Variants in CNTN6 observed in about 807,000 individuals in gnomAD.
CNTN6 encodes contactin 6.
In CNTN6, 137 loss-of-function variants were observed where a neutral mutation model predicts 122.8. The ratio of observed to expected loss-of-function variants is 1.12; its 90% CI spans 0.97 to 1.29. CNTN6 has a LOEUF of 1.29. Ranked by LOEUF, CNTN6 falls within the 50% of genes most tolerant of loss-of-function variation. The probability of loss-of-function intolerance (pLI) is 0.00; values close to 1 mark genes in which losing one functional copy is unlikely to be tolerated. For missense variants in CNTN6, 1,634 were observed against 1,223.4 expected, an observed-to-expected ratio of 1.34 and a Z score of -5.01; for synonymous variants, 570 against 426.0, an observed-to-expected ratio of 1.34 and a Z score of -4.16.
intron 2 of CNTN6, among the ~76,000 whole-genome samples, chr3:1,183,417 C>A (rs2093585816): frequency 1.3e-5 from 2 of 150,724 alleles, no homozygotes; most frequent in Non-Finnish European, 1.5e-5. Context: ...GATTAGAGGC[C>A]AGGTAATCAG....
intron 4 of CNTN6, among the ~76,000 whole-genome samples, chr3:1,277,460 AGC>A (rs1692613688): frequency 7.1e-6 from 1 of 141,502 alleles, no homozygotes; most frequent in Non-Finnish European, 1.5e-5. Context: ...CCTGGGTTCA[AGC>A]AATTCTCATG....
At chr3:1,387,462 C>G (rs372285948) in intron 20 of CNTN6, among the ~76,000 whole-genome samples, 3 of 152,112 alleles carry the variant, frequency 2.0e-5, no homozygotes, top group Non-Finnish European at 2.9e-5. Context: ...TCTGCAAATC[C>G]GAATGAAAAT....
At chr3:1,394,211 C>G (rs531457029) in intron 20 of CNTN6, 3 of 237,648 alleles carry the variant, frequency 1.3e-5, no homozygotes, top group Non-Finnish European at 2.5e-5. Context: ...GCCTCATCTC[C>G]GGAAGCTTCC....
intron 4 of CNTN6, among the ~76,000 whole-genome samples, chr3:1,239,655 C>T (rs1312937687): frequency 2.0e-5 from 3 of 152,128 alleles, no homozygotes; most frequent in Admixed American, 6.5e-5. Flanking sequence ...TCATTCTTCT[C>T]AGAACTAGCA....
chr3:1,222,183 T>G (rs1400465130), intron 3 of CNTN6, among the ~76,000 whole-genome samples: 1 of 152,148 alleles, frequency 6.6e-6, no homozygotes, highest in Non-Finnish European at 1.5e-5. Context: ...CCAGTGAAAC[T>G]CATCTGTCAG....
intron 2 of CNTN6, chr3:1,173,286 G>C (rs972264018): frequency 2.2e-6 from 1 of 456,548 alleles, no homozygotes; most frequent in Non-Finnish European, 4.4e-6. Flanking sequence ...CTTATGCTAA[G>C]TGCCCTTATA....
intron 20 of CNTN6, among the ~76,000 whole-genome samples, chr3:1,395,284 A>C (rs1397518397): frequency 6.6e-6 from 1 of 152,214 alleles, no homozygotes; most frequent in African/African-American, 2.4e-5. Context: ...TTTTAAAACA[A>C]TATAAGTTGC....
intron 1 of CNTN6, among the ~76,000 whole-genome samples, chr3:1,146,104 C>G (rs1245334926): frequency 6.6e-6 from 1 of 151,940 alleles, no homozygotes; most frequent in Admixed American, 6.6e-5. Context: ...CTGTATAATT[C>G]CAGTTTTTAC....
At position 1,283,252 on chromosome 3, in the gene CNTN6, G is replaced by T. The variant is rs183305610; in HGVS notation, c.454+4744G>T. On this transcript the variant is annotated intron_variant, in intron 5 of 22. Coordinates refer to ENST00000446702, the MANE Select transcript of CNTN6 (RefSeq NM_001289080.2). Reference sequence around the variant, plus strand: ...TCACCGGTGTGAGCCACTGCTCCCAGCCCACAAAACTTATTTAGTATTTAT... The same window carrying T: ...TCACCGGTGTGAGCCACTGCTCCCATCCCACAAAACTTATTTAGTATTTAT... Among the ~76,000 whole-genome samples the T allele has an allele frequency of 3.9e-5, 6 of 152,234 alleles. No individual in the cohort carries two copies. The East Asian group carries it at 9.7e-4, about 25-fold the overall frequency.
Position 1,149,316 on chromosome 3 carries a change from C to A in CNTN6, c.55+1253C>A, listed in dbSNP as rs138505300. ...GCCTCTCTTCTACCATACCATGCTT[C>A]TTCCCCCCGACTATGTGTTGATAGG... On this transcript the variant is annotated intron_variant, in intron 2 of 22. Transcript: ENST00000446702. Among the ~76,000 whole-genome samples, 366 of 152,268 alleles carry A rather than the reference C, an allele frequency of 2.4e-3. 2 individuals carry two copies. The highest frequency in any genetic ancestry group is 4.0e-3 in the Non-Finnish European group (269 of 68,022).
Position 1,161,586 on chromosome 3 carries a change from T to C in CNTN6, c.55+13523T>C, listed in dbSNP as rs578048679. 2.0e-5 allele frequency among the ~76,000 whole-genome samples: 3 copies of C among 152,112 alleles called. No individual in the cohort carries two copies. In the East Asian group the frequency reaches 5.8e-4, roughly 29 times the overall value. ...ACAAATATATGTATCCACATTCTTT[T>C]CAGAGACATGGTTGTTAAATAACTG... On this transcript the variant is annotated intron_variant, in intron 2 of 22. Transcript: ENST00000446702.
chr3:1,219,955 T>C (rs766634058), intron 2 of CNTN6, among the ~76,000 whole-genome samples: 9 of 140,890 alleles, frequency 6.4e-5, no homozygotes, highest in African/African-American at 2.8e-5. Context: ...TGAGCTGTGA[T>C]TGTGCCACTG....
At chr3:1,380,394 T>A (rs1710486625) in intron 17 of CNTN6, among the ~76,000 whole-genome samples, 1 of 152,218 alleles carries the variant, frequency 6.6e-6, no homozygotes, top group Admixed American at 6.5e-5. Context: ...CTAGACATAA[T>A]ATCAAATTTT....
intron 7 of CNTN6, among the ~76,000 whole-genome samples, chr3:1,313,094 A>G (rs1460090925): frequency 6.6e-6 from 1 of 152,084 alleles, no homozygotes; most frequent in Non-Finnish European, 1.5e-5. Context: ...CAAACGGAAT[A>G]AATTTGAGGT....
chr3:1,130,254 C>T (rs977514519), intron 1 of CNTN6, among the ~76,000 whole-genome samples: 2 of 152,052 alleles, frequency 1.3e-5, no homozygotes, highest in Non-Finnish European at 2.9e-5. Flanking sequence ...GTAGCAGATG[C>T]TGTCTATGCC....
intron 7 of CNTN6, among the ~76,000 whole-genome samples, chr3:1,315,998 A>G (rs1236985880): frequency 6.6e-6 from 1 of 152,020 alleles, no homozygotes; most frequent in South Asian, 2.1e-4. Context: ...AGACAAATAC[A>G]TGTGAATTAG....
Position 1,112,024 on chromosome 3 carries a change from G to GTGCC in CNTN6, c.-83+18905_-83+18908dup, listed in dbSNP as rs532967223. Among the ~76,000 whole-genome samples, 126 of 152,166 alleles carry GTGCC rather than the reference G, an allele frequency of 8.3e-4. No individual in the cohort carries two copies. In the South Asian group the frequency reaches 0.02, roughly 24 times the overall value. Reference sequence around the variant, plus strand: ...ATTATGTAGTTATTTTGCCCTAGGGGTGCCATAAAAATGATTGATCCACTA... The same window carrying GTGCC: ...ATTATGTAGTTATTTTGCCCTAGGGGTGCCTGCCATAAAAATGATTGATCCACTA... On this transcript the variant is annotated intron_variant, in intron 1 of 22. Transcript: ENST00000446702.
intron 11 of CNTN6, among the ~76,000 whole-genome samples, chr3:1,330,714 C>T (rs751523012): frequency 1.3e-5 from 2 of 151,934 alleles, no homozygotes; most frequent in East Asian, 3.9e-4. Context: ...TCTTCAGCAT[C>T]ATATGTTCCA....
intron 2 of CNTN6, among the ~76,000 whole-genome samples, chr3:1,193,984 C>T (rs1303993332): frequency 6.6e-6 from 1 of 151,864 alleles, no homozygotes; most frequent in African/African-American, 2.4e-5. Context: ...TTTTTTTCCC[C>T]AAAGCATGTG....
Sources: gnomAD v4.1 joint callset for allele counts (sites outside exome capture counted in the v4.1 genomes callset) on GRCh38, gnomAD v4.1.1 for gene constraint, MANE v1.5 for transcripts, NCBI Gene and HGNC (gene_info 2026-07-23, HGNC 2026-07-21) for gene names.